TCF4: variants seen among roughly 807,000 people sequenced by gnomAD.
TCF4 encodes the protein transcription factor 4, also known as SL3-3 enhancer factor 2.
A neutral mutation model predicts 82.1 loss-of-function variants in TCF4; 3 were observed. The ratio of observed to expected loss-of-function variants is 0.04; its 90% confidence interval spans 0.02 to 0.09. The LOEUF (loss-of-function observed/expected upper bound fraction) is 0.09, where lower values mean the gene tolerates loss of function less well. Ranked by LOEUF, TCF4 falls within the 10% of genes least tolerant of loss-of-function variation. The pLI, the probability that TCF4 is intolerant of heterozygous loss-of-function variation, is 1.00. For missense variants in TCF4, 518 were observed against 852.7 expected, an observed-to-expected ratio of 0.61 and a Z score of 4.89; for synonymous variants, 276 against 309.6, an observed-to-expected ratio of 0.89 and a Z score of 1.14.
At chr18:55,584,324 T>C (rs954699322) in intron 3 of TCF4, among the ~76,000 whole-genome samples, 2 of 152,136 alleles carry the variant, frequency 1.3e-5, no homozygotes, top group African/African-American at 4.8e-5. Context: ...GACTTAAGAA[T>C]AGTACTTGGC....
chr18:55,545,938 T>C (rs1048735274), intron 3 of TCF4, among the ~76,000 whole-genome samples: 2 of 152,168 alleles, frequency 1.3e-5, no homozygotes, highest in Non-Finnish European at 2.9e-5. Flanking sequence ...CCCCCATAAC[T>C]TAAGAGTTTC....
At chr18:55,495,880 C>T (rs1420411735) in intron 3 of TCF4, 1 of 152,116 alleles carries the variant, frequency 6.6e-6, no homozygotes, top group Non-Finnish European at 1.5e-5. Flanking sequence ...ATTTCTGAAT[C>T]ATTTGAATAA....
chr18:55,538,212 T>C (rs2097135962), intron 3 of TCF4, among the ~76,000 whole-genome samples: 1 of 152,118 alleles, frequency 6.6e-6, no homozygotes, highest in Admixed American at 6.5e-5. Context: ...ATAAAATCAA[T>C]GTGAAATGTA....
chr18:55,260,860 C>T (rs1201747853), intron 12 of TCF4, among the ~76,000 whole-genome samples: 1 of 152,122 alleles, frequency 6.6e-6, no homozygotes, highest in Non-Finnish European at 1.5e-5. Context: ...CTACCTGGCC[C>T]TCCACTTACA....
intron 6 of TCF4, among the ~76,000 whole-genome samples, chr18:55,379,899 G>A (rs893085561): frequency 1.3e-5 from 2 of 151,914 alleles, no homozygotes; most frequent in Non-Finnish European, 2.9e-5. Context: ...GGAGAGAGAG[G>A]GTCTCAGTCT....
intron 2 of TCF4, among the ~76,000 whole-genome samples, chr18:55,620,423 G>C (rs1486800419): frequency 6.6e-6 from 1 of 152,190 alleles, no homozygotes; most frequent in African/African-American, 2.4e-5. Context: ...GGTGGTTATA[G>C]ACACTATTCC....
chr18:55,595,809 T>C (rs2097690294), intron 2 of TCF4, among the ~76,000 whole-genome samples: 1 of 152,202 alleles, frequency 6.6e-6, no homozygotes, highest in Admixed American at 6.5e-5. Flanking sequence ...TTGTCATTTT[T>C]TTTGGAGGAC....
intron 6 of TCF4, among the ~76,000 whole-genome samples, chr18:55,396,955 T>A (rs886813708): frequency 2.0e-5 from 3 of 152,202 alleles, no homozygotes; most frequent in African/African-American, 7.2e-5. Flanking sequence ...TGATGGAATT[T>A]TAAAAGAATC....
intron 3 of TCF4, among the ~76,000 whole-genome samples, chr18:55,568,859 G>C (rs771183827): frequency 6.6e-6 from 1 of 152,062 alleles, no homozygotes; most frequent in African/African-American, 2.4e-5. Context: ...TTGAAATTGA[G>C]TCCAGGACAA....
intron 6 of TCF4, among the ~76,000 whole-genome samples, chr18:55,365,175 ATATATATATATATATATG>A (rs1406037379): frequency 1.6e-5 from 2 of 128,148 alleles, no homozygotes; most frequent in Non-Finnish European, 3.2e-5. Context: ...ATATATATAT[ATATATATATATATATATG>A]TGTGTGTGTG....
chr18:55,572,629 A>G (rs757290387), intron 3 of TCF4, among the ~76,000 whole-genome samples: 1 of 152,224 alleles, frequency 6.6e-6, no homozygotes, highest in Non-Finnish European at 1.5e-5. Context: ...AAGTCCACCA[A>G]CAAAGACATT....
At chr18:55,388,131 G>T (rs550286118) in intron 6 of TCF4, among the ~76,000 whole-genome samples, 41 of 152,156 alleles carry the variant, frequency 2.7e-4, no homozygotes, top group Non-Finnish European at 4.4e-4. Context: ...CATTTTTTAT[G>T]TCCTACAACA....
At chr18:55,365,191 A>ATGTGTGTGTG (rs1220531145) in intron 6 of TCF4, among the ~76,000 whole-genome samples, 8 of 97,916 alleles carry the variant, frequency 8.2e-5, no homozygotes, top group African/African-American at 4.0e-4. Context: ...ATATATATAT[A>ATGTGTGTGTG]TGTGTGTGTG....
chr18:55,242,854 C>T (rs1380674097), intron 15 of TCF4, among the ~76,000 whole-genome samples: 2 of 152,146 alleles, frequency 1.3e-5, no homozygotes, highest in South Asian at 2.1e-4. Flanking sequence ...GTGATCCTCC[C>T]GCCTTGGCTT....
At chr18:55,590,579 A>G (rs1398736973), upstream of TCF4, among the ~76,000 whole-genome samples, 1 of 152,228 alleles carries the variant, frequency 6.6e-6, no homozygotes, top group Non-Finnish European at 1.5e-5. Context: ...GGATACAGAT[A>G]AAGATGAAGC....
At chr18:55,605,194 A>G (rs1182547659) in intron 2 of TCF4, among the ~76,000 whole-genome samples, 2 of 152,212 alleles carry the variant, frequency 1.3e-5, no homozygotes, top group East Asian at 3.9e-4. Flanking sequence ...GCATTAGCAC[A>G]GCATGTGGCC....
At chr18:55,304,026 GGAAA>G (rs1386459826) in intron 8 of TCF4, among the ~76,000 whole-genome samples, 2 of 151,952 alleles carry the variant, frequency 1.3e-5, no homozygotes, top group Non-Finnish European at 2.9e-5. Context: ...AAATAAAGCT[GGAAA>G]GACAAACCAG....
chr18:55,618,106 G>A (rs1486809387), intron 2 of TCF4, among the ~76,000 whole-genome samples: 1 of 151,994 alleles, frequency 6.6e-6, no homozygotes, highest in Non-Finnish European at 1.5e-5. Flanking sequence ...CCTTTATTAT[G>A]TTGTGGCAAA....
At chr18:55,586,407 C>A (rs2097651250) in intron 2 of TCF4, among the ~76,000 whole-genome samples, 1 of 152,170 alleles carries the variant, frequency 6.6e-6, no homozygotes, top group Admixed American at 6.5e-5. Context: ...GGAGAAGGAC[C>A]AAGTACAGCC....
Sources: allele counts gnomAD v4.1 joint callset (sites outside exome capture counted in the v4.1 genomes callset), GRCh38; gene constraint gnomAD v4.1.1; transcripts MANE v1.5; gene names NCBI Gene and HGNC (gene_info 2026-07-23, HGNC 2026-07-21).